Variants in PLCB4 observed in about 807,000 individuals in gnomAD.
PLCB4 encodes the protein phospholipase C beta 4, also known as 1-phosphatidylinositol 4,5-bisphosphate phosphodiesterase beta-4.
PLCB4 carries 77 observed loss-of-function variants against 178.8 expected under a neutral mutation model. That is an observed-to-expected ratio of 0.43 (90% CI 0.36 to 0.52). PLCB4 has a LOEUF of 0.52. Among genes scored for constraint, PLCB4 ranks in the 20% least tolerant of loss-of-function variants. The pLI is 0.00. For missense variants in PLCB4, 1,024 were observed against 1,453.4 expected (o/e 0.70, Z 4.80); for synonymous variants, 496 against 490.8 (o/e 1.01, Z -0.14).
intron 4 of PLCB4, among the ~76,000 whole-genome samples, chr20:9,323,048 T>C (rs1201807511): frequency 1.3e-5 from 2 of 152,250 alleles, no homozygotes; most frequent in Non-Finnish European, 2.9e-5. Context: ...GGTTTAAACC[T>C]TTAATGGGTT....
chr20:9,293,489 GAGGAAGGAAGGA>G (rs55792615), intron 3 of PLCB4, among the ~76,000 whole-genome samples: 10 of 150,404 alleles, frequency 6.6e-5, no homozygotes, highest in African/African-American at 2.2e-4. Context: ...AAGAGGACGA[GAGGAAGGAAGGA>G]AGGAAGGAAG....
In PLCB4 at chr20:9,424,564, A is replaced by T. The variant is rs1327246799; in HGVS notation, c.2524+612A>T. On this transcript the variant is annotated intron_variant, in intron 28 of 39. Coordinates refer to ENST00000378473, the MANE Select transcript of PLCB4 (RefSeq NM_001377142.1). Reference sequence around the variant, plus strand: ...CTCTATATTGTCAGCCTGTTGAACCATAAGGAAATAGTACAGCAGGATGAT... The same window carrying T: ...CTCTATATTGTCAGCCTGTTGAACCTTAAGGAAATAGTACAGCAGGATGAT... Among the ~76,000 whole-genome samples the T allele has an allele frequency of 4.6e-5, 7 of 152,326 alleles. No individual in the cohort carries two copies. In the East Asian group the frequency reaches 1.4e-3, roughly 29 times the overall value.
chr20:9,208,571 G>A (rs2093638964), intron 2 of PLCB4, among the ~76,000 whole-genome samples: 1 of 149,504 alleles, frequency 6.7e-6, no homozygotes, highest in Admixed American at 6.7e-5. Flanking sequence ...ACAGGGTCTT[G>A]CTCTGTTGCC....
intron 1 of PLCB4, among the ~76,000 whole-genome samples, chr20:9,083,474 G>A (rs1215741660): frequency 2.0e-5 from 2 of 102,378 alleles, no homozygotes; most frequent in South Asian, 9.1e-4. Flanking sequence ...GTCTTTACTG[G>A]ATGGCTTTGC....
chr20:9,200,790 C>A (rs1303332547), intron 2 of PLCB4, among the ~76,000 whole-genome samples: 2 of 152,120 alleles, frequency 1.3e-5, no homozygotes, highest in Non-Finnish European at 2.9e-5. Flanking sequence ...CAGGTCTTTG[C>A]TCATAAGTCA....
intron 12 of PLCB4, 26 bp downstream of exon 12, chr20:9,373,130 A>G (rs1229703538): frequency 2.5e-6 from 3 of 1,221,122 alleles, no homozygotes; most frequent in Non-Finnish European, 3.6e-6. Flanking sequence ...CATTAACTCC[A>G]TAAAGTCTGT....
rs147101416 is a variant in PLCB4 at position 9,078,076 on chromosome 20, G to A, written c.-135+8870G>A. Among the ~76,000 whole-genome samples the A allele has an allele frequency of 2.8e-3, 419 of 152,138 alleles. 1 individual carries two copies. Among genetic ancestry groups the A allele is most frequent in the African/African-American group, 9.6e-3 (399 of 41,500 alleles). On this transcript the variant is annotated intron_variant, in intron 1 of 39. Transcript: ENST00000378473. ...GGCTCACTGCAGCCTCATCTTCTGG[G>A]CTCAAGCGATTTTCCTGCCTCAGAC...
chr20:9,218,545 G>C (rs939037924), intron 3 of PLCB4, among the ~76,000 whole-genome samples: 7 of 152,170 alleles, frequency 4.6e-5, no homozygotes, highest in Non-Finnish European at 8.8e-5. Context: ...TCCTCCTGGA[G>C]GATCTGTTCC....
At position 9,419,929 on chromosome 20, in the gene PLCB4, C is replaced by G; in HGVS notation, c.2154+20C>G. On this transcript the variant is annotated intron_variant, in intron 26 of 39. Transcript: ENST00000378473. ...GTGCAGGTAAGGCCCCTGCTCATCA[C>G]AAGGTAGTATAAATGTATACACAAG... The G allele has an allele frequency of 6.9e-7, 1 of 1,444,310 alleles. No homozygotes were observed. Among genetic ancestry groups the G allele is most frequent in the Non-Finnish European group, 9.8e-7 (1 of 1,025,218 alleles). 89.5% of individuals were successfully genotyped at this position (1,444,310 alleles called of 1,614,324 possible). A position where few individuals can be genotyped will look rare whatever the true frequency, so the allele number is the denominator to read the frequency against.
At chr20:9,452,269 A>C (rs190763088) in intron 32 of PLCB4, among the ~76,000 whole-genome samples, 2 of 152,358 alleles carry the variant, frequency 1.3e-5, no homozygotes, top group East Asian at 3.9e-4. Flanking sequence ...TGAAACCGTT[A>C]AAAGAAGTTC....
intron 19 of PLCB4, 123 bp downstream of exon 19, chr20:9,395,741 A>G: frequency 1.6e-6 from 1 of 629,714 alleles, no homozygotes. Flanking sequence ...AGGTGGGAGG[A>G]TTGCTTGAGC....
chr20:9,372,704 T>C (rs2036357956), intron 11 of PLCB4, among the ~76,000 whole-genome samples: 1 of 152,218 alleles, frequency 6.6e-6, no homozygotes, highest in Non-Finnish European at 1.5e-5. Flanking sequence ...TAGATTCAAT[T>C]TGGAATGTTA....
intron 3 of PLCB4, among the ~76,000 whole-genome samples, chr20:9,245,291 T>A (rs1222273329): frequency 6.6e-6 from 1 of 152,166 alleles, no homozygotes; most frequent in Non-Finnish European, 1.5e-5. Flanking sequence ...TAGATTCCAC[T>A]TCTTGATGGG....
intron 4 of PLCB4, among the ~76,000 whole-genome samples, chr20:9,327,003 G>A (rs1418792006): frequency 1.3e-5 from 2 of 152,118 alleles, no homozygotes; most frequent in East Asian, 3.9e-4. Context: ...ATCCTCTTGG[G>A]TGACTTGCCT....
intron 3 of PLCB4, among the ~76,000 whole-genome samples, chr20:9,296,667 A>G (rs180756225): frequency 0.031 from 4,793 of 152,278 alleles, 223 homozygotes; most frequent in African/African-American, 0.1. Flanking sequence ...ACCATGGAAT[A>G]CTATGCAGCC....
intron 32 of PLCB4, among the ~76,000 whole-genome samples, chr20:9,448,171 G>T (rs544788737): frequency 6.6e-6 from 1 of 151,852 alleles, no homozygotes; most frequent in Non-Finnish European, 1.5e-5. Context: ...CCCACTAATC[G>T]CCTGCAAAGA....
intron 4 of PLCB4, among the ~76,000 whole-genome samples, chr20:9,310,767 T>TG (rs1176226417): frequency 6.6e-6 from 1 of 151,656 alleles, no homozygotes; most frequent in African/African-American, 2.4e-5. Flanking sequence ...AGTCAGTAGG[T>TG]GGGGGAAAAA....
At chr20:9,166,085 T>C (rs550093920) in intron 2 of PLCB4, among the ~76,000 whole-genome samples, 128 of 152,164 alleles carry the variant, frequency 8.4e-4, no homozygotes, top group Admixed American at 2.0e-3. Context: ...ACTGGGGAGG[T>C]TGGAACAGAG....
chr20:9,421,855 C>T (rs1415964396), intron 27 of PLCB4, among the ~76,000 whole-genome samples: 1 of 152,204 alleles, frequency 6.6e-6, no homozygotes, highest in East Asian at 1.9e-4. Context: ...CAATAGATGT[C>T]ACTACATGGG....
Sources: allele counts gnomAD v4.1 joint callset (sites outside exome capture counted in the v4.1 genomes callset), GRCh38; gene constraint gnomAD v4.1.1; transcripts MANE v1.5; gene names NCBI Gene and HGNC (gene_info 2026-07-23, HGNC 2026-07-21).